The following LRRC4C variants were observed in gnomAD, a reference collection of about 807,000 sequenced individuals.
The protein encoded by LRRC4C is leucine-rich repeat-containing protein 4C.
A neutral mutation model predicts 33.6 loss-of-function variants in LRRC4C; 5 were observed. The observed-to-expected ratio is 0.15, with a 90% CI of 0.08 to 0.31. The LOEUF (loss-of-function observed/expected upper bound fraction) is 0.31, where lower values mean the gene tolerates loss of function less well. LRRC4C is among the 10% of genes least tolerant of loss of function. The pLI is 1.00. For missense variants in LRRC4C, 560 were observed against 796.7 expected, an observed-to-expected ratio of 0.70 and a Z score of 3.58; for synonymous variants, 329 against 302.0, an observed-to-expected ratio of 1.09 and a Z score of -0.93.
intron 3 of LRRC4C, among the ~76,000 whole-genome samples, chr11:40,356,098 G>C (rs1947658197): frequency 6.6e-6 from 1 of 152,016 alleles, no homozygotes; most frequent in Non-Finnish European, 1.5e-5. Flanking sequence ...TATATTTTCA[G>C]GGTCTCGGCT....
intron 1 of LRRC4C, among the ~76,000 whole-genome samples, chr11:41,385,761 T>C (rs927728570): frequency 6.6e-6 from 1 of 151,386 alleles, no homozygotes; most frequent in Non-Finnish European, 1.5e-5. Context: ...AAGAAACTAA[T>C]CAAATTCAAA....
At chr11:40,844,953 T>A (rs916841738) in intron 2 of LRRC4C, among the ~76,000 whole-genome samples, 13 of 152,236 alleles carry the variant, frequency 8.5e-5, no homozygotes, top group South Asian at 4.2e-4. Context: ...TCCTTTTTTT[T>A]AATTTTTCTT....
chr11:41,117,736 T>C (rs983957789), intron 1 of LRRC4C, among the ~76,000 whole-genome samples: 1 of 152,052 alleles, frequency 6.6e-6, no homozygotes, highest in Admixed American at 6.6e-5. Flanking sequence ...CCTCCAATAT[T>C]ATAATTGAAA....
At chr11:40,536,814 C>T (rs1265493853) in intron 3 of LRRC4C, among the ~76,000 whole-genome samples, 2 of 152,096 alleles carry the variant, frequency 1.3e-5, no homozygotes. Context: ...TTTCTCCCTT[C>T]TTTTCTGTCA....
intron 1 of LRRC4C, among the ~76,000 whole-genome samples, chr11:41,418,247 T>G (rs1954757658): frequency 6.6e-6 from 1 of 151,964 alleles, no homozygotes; most frequent in South Asian, 2.1e-4. Context: ...TTTTCAAAAC[T>G]ATGAGAAAAT....
intron 3 of LRRC4C, among the ~76,000 whole-genome samples, chr11:40,581,578 T>A (rs1366328372): frequency 6.6e-6 from 1 of 152,180 alleles, no homozygotes; most frequent in African/African-American, 2.4e-5. Flanking sequence ...TGCTACCTCC[T>A]GACAAAATCA....
chr11:41,391,048 T>TA lies in LRRC4C; in HGVS notation c.-496+68382dup, dbSNP rs201006692. Among the ~76,000 whole-genome samples the TA allele has an allele frequency of 5.9e-4, 87 of 147,540 alleles. 1 individual carries two copies. Among genetic ancestry groups the TA allele is most frequent in the African/African-American group, 1.7e-3 (70 of 40,340 alleles). On this transcript the variant is annotated intron_variant, in intron 1 of 6. Transcript: ENST00000528697. ...TAAGCATTTTGTGAAAGGGTAAAGG[T>TA]AAAAAAAAAATCATTTGTTCTATAA...
chr11:41,324,288 G>A (rs2137299830), intron 1 of LRRC4C, among the ~76,000 whole-genome samples: 1 of 152,196 alleles, frequency 6.6e-6, no homozygotes, highest in South Asian at 2.1e-4. Context: ...AAATCAGCTG[G>A]GTGTGGTGGC....
chr11:41,046,220 A>G (rs985471912), intron 1 of LRRC4C, among the ~76,000 whole-genome samples: 2 of 152,128 alleles, frequency 1.3e-5, no homozygotes, highest in African/African-American at 4.8e-5. Flanking sequence ...ATATTTGGTT[A>G]CATGTTTTCT....
chr11:40,464,747 A>G (rs1952570814), intron 3 of LRRC4C, among the ~76,000 whole-genome samples: 1 of 151,868 alleles, frequency 6.6e-6, no homozygotes, highest in South Asian at 2.1e-4. Context: ...TAAACAAATA[A>G]ATAAAACATA....
intron 1 of LRRC4C, among the ~76,000 whole-genome samples, chr11:41,085,403 G>A (rs188937812): frequency 2.1e-4 from 32 of 152,294 alleles, no homozygotes; most frequent in East Asian, 1.9e-3. Context: ...AGTTGTAGCA[G>A]TAAGAAGTGG....
At chr11:40,405,753 AAAGAAATTGTGTGTTGTCC>A (rs1949943473) in intron 3 of LRRC4C, among the ~76,000 whole-genome samples, 1 of 150,574 alleles carries the variant, frequency 6.6e-6, no homozygotes, top group Non-Finnish European at 1.5e-5. Flanking sequence ...AGTTCCTCAA[AAAGAAATTGTGTGTTGTCC>A]ACTTCCTCAC....
chr11:40,738,008 G>T (rs767800639), intron 2 of LRRC4C, among the ~76,000 whole-genome samples: 4 of 152,034 alleles, frequency 2.6e-5, no homozygotes, highest in Non-Finnish European at 5.9e-5. Context: ...GCATGGTACT[G>T]GTACCAAAAC....
At chr11:40,282,486 G>A (rs1454358819) in intron 4 of LRRC4C, among the ~76,000 whole-genome samples, 2 of 151,940 alleles carry the variant, frequency 1.3e-5, no homozygotes, top group African/African-American at 2.4e-5. Context: ...TTTGTTGAAA[G>A]GATTAAAAGA....
intron 5 of LRRC4C, among the ~76,000 whole-genome samples, chr11:40,217,436 G>T (rs1441163623): frequency 6.6e-6 from 1 of 151,966 alleles, no homozygotes; most frequent in African/African-American, 2.4e-5. Flanking sequence ...AAAAGACATA[G>T]ATTTTTATAG....
intron 2 of LRRC4C, among the ~76,000 whole-genome samples, chr11:40,887,319 C>T (rs1047263884): frequency 2.0e-5 from 3 of 152,030 alleles, no homozygotes; most frequent in South Asian, 2.1e-4. Flanking sequence ...AAATATTAGT[C>T]TCTGTTCATT....
chr11:41,302,514 A>C (rs1256817464), intron 1 of LRRC4C, among the ~76,000 whole-genome samples: 1 of 152,218 alleles, frequency 6.6e-6, no homozygotes, highest in Non-Finnish European at 1.5e-5. Flanking sequence ...GATCAAATAC[A>C]AACTTTGTTT....
At chr11:41,307,194 A>AT (rs544120988) in intron 1 of LRRC4C, among the ~76,000 whole-genome samples, 3 of 151,986 alleles carry the variant, frequency 2.0e-5, no homozygotes, top group East Asian at 1.9e-4. Context: ...TAACAACTCA[A>AT]TTTTTTTTCT....
chr11:40,892,232 C>A (rs1415196387), intron 2 of LRRC4C, among the ~76,000 whole-genome samples: 1 of 151,672 alleles, frequency 6.6e-6, no homozygotes, highest in East Asian at 1.9e-4. Context: ...CTAGACAGAC[C>A]CAAAAGAAAG....
Sources: gnomAD v4.1 joint callset for allele counts (sites outside exome capture counted in the v4.1 genomes callset) on GRCh38, gnomAD v4.1.1 for gene constraint, MANE v1.5 for transcripts, NCBI Gene and HGNC (gene_info 2026-07-23, HGNC 2026-07-21) for gene names.